DYNC1LI1: variants seen among roughly 807,000 people sequenced by gnomAD.
DYNC1LI1 encodes cytoplasmic dynein 1 light intermediate chain 1.
A neutral mutation model predicts 63.8 loss-of-function variants in DYNC1LI1; 19 were observed. The observed-to-expected ratio is 0.30, with a 90% confidence interval of 0.21 to 0.44. DYNC1LI1 has a LOEUF of 0.44. Ranked by LOEUF, DYNC1LI1 falls within the 20% of genes least tolerant of loss-of-function variation. The pLI is 1.00. For missense variants in DYNC1LI1, 565 were observed against 630.2 expected (o/e 0.90, Z 1.11); for synonymous variants, 225 against 232.3 (o/e 0.97, Z 0.28).
chr3:32,563,409 T>C (rs1234763580), intron 2 of DYNC1LI1, among the ~76,000 whole-genome samples: 1 of 151,360 alleles, frequency 6.6e-6, no homozygotes, highest in East Asian at 2.0e-4. Flanking sequence ...TCCCTGCCTC[T>C]ACCTCTCGAG....
chr3:32,550,028 A>T (rs903927178), intron 2 of DYNC1LI1, among the ~76,000 whole-genome samples: 2 of 152,236 alleles, frequency 1.3e-5, no homozygotes, highest in Non-Finnish European at 1.5e-5. Flanking sequence ...TGGCGATATT[A>T]TGAGTAATTT....
At chr3:32,550,266 T>C (rs1698015731) in intron 2 of DYNC1LI1, among the ~76,000 whole-genome samples, 1 of 152,156 alleles carries the variant, frequency 6.6e-6, no homozygotes, top group African/African-American at 2.4e-5. Context: ...ACCCCGTCTC[T>C]ACTAAAAATA....
intron 2 of DYNC1LI1, among the ~76,000 whole-genome samples, chr3:32,565,975 A>T (rs774269796): frequency 1.3e-4 from 19 of 151,954 alleles, no homozygotes; most frequent in Admixed American, 5.9e-4. Context: ...TTTACTTAAC[A>T]TTTCTGTTTC....
intron 4 of DYNC1LI1, among the ~76,000 whole-genome samples, chr3:32,542,070 T>C (rs1697889793): frequency 6.6e-6 from 1 of 152,206 alleles, no homozygotes; most frequent in Non-Finnish European, 1.5e-5. Flanking sequence ...AAGGCCAACG[T>C]ATGATTCCAG....
At chr3:32,570,478 C>G in intron 1 of DYNC1LI1, 59 bp from the exon 2 acceptor site, 1 of 1,503,416 alleles carries the variant, frequency 6.7e-7, no homozygotes, top group Non-Finnish European at 8.9e-7. Context: ...GCGGGAGGGA[C>G]GGACCCGGCC....
chr3:32,563,822 C>G (rs913938785), intron 2 of DYNC1LI1, among the ~76,000 whole-genome samples: 8 of 152,210 alleles, frequency 5.3e-5, no homozygotes, highest in Admixed American at 3.3e-4. Context: ...GTCCTCTTAA[C>G]AATTCTTAAA....
At chr3:32,538,008 A>AAT (rs376140964) in intron 5 of DYNC1LI1, among the ~76,000 whole-genome samples, 23 of 26,242 alleles carry the variant, frequency 8.8e-4, no homozygotes, top group Admixed American at 1.5e-3. Flanking sequence ...TTATATATAT[A>AAT]ATATATATAT....
chr3:32,563,583 C>T (rs1377817424), intron 2 of DYNC1LI1, among the ~76,000 whole-genome samples: 3 of 152,182 alleles, frequency 2.0e-5, no homozygotes, highest in African/African-American at 2.4e-5. Flanking sequence ...TGAGCCACCA[C>T]GCCCGGCCAC....
intron 8 of DYNC1LI1, chr3:32,532,507 A>ATATATATATATATATATAT (rs1553617333): frequency 2.0e-5 from 3 of 147,580 alleles, no homozygotes; most frequent in Non-Finnish European, 3.0e-5. Flanking sequence ...ATATATATAT[A>ATATATATATATATATATAT]AAATTGAAAG....
intron 3 of DYNC1LI1, 65 bp downstream of exon 3, chr3:32,545,784 A>T (rs1164366880): frequency 2.8e-6 from 3 of 1,085,944 alleles, no homozygotes; most frequent in African/African-American, 3.1e-5. Context: ...AAAATCAAAG[A>T]CTAATGTGAA....
intron 5 of DYNC1LI1, among the ~76,000 whole-genome samples, chr3:32,537,960 T>TAA (rs55869855): frequency 6.3e-4 from 2 of 3,172 alleles, no homozygotes; most frequent in Admixed American, 6.0e-3. Flanking sequence ...TTTATATATA[T>TAA]AATATATATA....
At chr3:32,545,682 C>T in intron 3 of DYNC1LI1, 167 bp downstream of exon 3, 1 of 635,604 alleles carries the variant, frequency 1.6e-6, no homozygotes, top group Non-Finnish European at 2.8e-6. Context: ...ATATGAATCC[C>T]AATCCCAAAT....
chr3:32,526,870 T>C lies in DYNC1LI1; in HGVS notation c.1501A>G (p.Arg501Gly). Residue 501 changes from arginine (R) to glycine (G), a missense_variant, in exon 13 of 13, where the codon AGA becomes GGA. Physicochemically the swap from Arg to Gly is moderately radical, Grantham distance 125 (BLOSUM62 -2). Coordinates refer to ENST00000273130, the MANE Select transcript of DYNC1LI1 (RefSeq NM_016141.4). ...ACTGTAACTGGTTTTCGTGTAATTCTGTCTAGTTCTGCATGAACATCTAAG... is the reference window on the plus strand; with the variant it reads ...ACTGTAACTGGTTTTCGTGTAATTCCGTCTAGTTCTGCATGAACATCTAAG... ...PVLDVHAELD[R>G]ITRKPVTVSP... 2 of 1,614,134 alleles carry C rather than the reference T, an allele frequency of 1.2e-6. No individual in the cohort carries two copies. Among genetic ancestry groups the C allele is most frequent in the Non-Finnish European group, 1.7e-6 (2 of 1,179,968 alleles).
chr3:32,569,856 A>G (rs895664929), intron 2 of DYNC1LI1, among the ~76,000 whole-genome samples: 1 of 152,268 alleles, frequency 6.6e-6, no homozygotes. Flanking sequence ...CAACACGAGC[A>G]CATTGTACCA....
intron 12 of DYNC1LI1, among the ~76,000 whole-genome samples, chr3:32,527,893 G>T (rs982845082): frequency 6.6e-6 from 1 of 151,932 alleles, no homozygotes; most frequent in Non-Finnish European, 1.5e-5. Flanking sequence ...GGCTGAGGTG[G>T]GAGGATCACT....
chr3:32,569,912 C>T (rs1698318764), intron 2 of DYNC1LI1, among the ~76,000 whole-genome samples: 1 of 152,222 alleles, frequency 6.6e-6, no homozygotes, highest in African/African-American at 2.4e-5. Context: ...TTAGTTCTAG[C>T]TTCTGTCAAT....
At chr3:32,537,984 T>TATATATATA (rs1559436371) in intron 5 of DYNC1LI1, among the ~76,000 whole-genome samples, 3 of 23,582 alleles carry the variant, frequency 1.3e-4, no homozygotes, top group Non-Finnish European at 2.1e-4. Flanking sequence ...TTATATATAA[T>TATATATATA]ATATATATAT....
In DYNC1LI1 at chr3:32,565,619, T is replaced by C. The variant is rs960486216; in HGVS notation, c.220+4727A>G. ...GGAGCTAGGCTGCACAATTTTTCTT[T>C]CTTTTTTTTGAGACAGAGTTTCACT... On this transcript the variant is annotated intron_variant, in intron 2 of 12. Transcript: ENST00000273130. Among the ~76,000 whole-genome samples the C allele has an allele frequency of 2.0e-5, 3 of 152,318 alleles. No individual in the cohort carries two copies. In the South Asian group the frequency reaches 6.2e-4, roughly 32 times the overall value.
At chr3:32,549,420 G>T (rs1211060665) in intron 2 of DYNC1LI1, among the ~76,000 whole-genome samples, 2 of 151,850 alleles carry the variant, frequency 1.3e-5, no homozygotes, top group Non-Finnish European at 2.9e-5. Flanking sequence ...ACTAGGAAAA[G>T]AATCAAGATT....
Sources: allele counts gnomAD v4.1 joint callset (sites outside exome capture counted in the v4.1 genomes callset), GRCh38; gene constraint gnomAD v4.1.1; transcripts MANE v1.5; gene names NCBI Gene and HGNC (gene_info 2026-07-23, HGNC 2026-07-21).